Variants in OLA1 observed in about 807,000 individuals in gnomAD.
OLA1 encodes obg-like ATPase 1.
A neutral mutation model predicts 48.4 loss-of-function variants in OLA1; 14 were observed. That is an observed-to-expected ratio of 0.29 (90% CI 0.19 to 0.45). The LOEUF (loss-of-function observed/expected upper bound fraction) is 0.45, where lower values mean the gene tolerates loss of function less well. Among genes scored for constraint, OLA1 ranks in the 20% least tolerant of loss-of-function variants. OLA1 has a pLI of 1.00. For synonymous variants in OLA1, 127 were observed against 150.4 expected (o/e 0.84, Z 1.14); for missense variants, 325 against 467.1 (o/e 0.70, Z 2.80).
intron 7 of OLA1, among the ~76,000 whole-genome samples, chr2:174,107,425 G>A (rs1384911611): frequency 6.6e-6 from 1 of 152,108 alleles, no homozygotes; most frequent in Non-Finnish European, 1.5e-5. Context: ...CAATTTACCA[G>A]TTGGGCAAAT....
intron 7 of OLA1, among the ~76,000 whole-genome samples, chr2:174,102,529 T>C (rs777664459): frequency 6.6e-6 from 1 of 151,886 alleles, no homozygotes; most frequent in South Asian, 2.1e-4. Context: ...GAAAAGCACA[T>C]AGAATGAAAG....
chr2:174,154,313 A>G (rs1686819299), intron 4 of OLA1, among the ~76,000 whole-genome samples: 1 of 152,148 alleles, frequency 6.6e-6, no homozygotes, highest in Admixed American at 6.6e-5. Context: ...GCCTGTAGAA[A>G]TAGCCCTGTA....
intron 5 of OLA1, among the ~76,000 whole-genome samples, chr2:174,132,125 T>G (rs1303894996): frequency 6.6e-6 from 1 of 152,072 alleles, no homozygotes; most frequent in Non-Finnish European, 1.5e-5. Context: ...TCTCATATAT[T>G]TTTCAAATTC....
At chr2:174,247,608 T>C in intron 1 of OLA1, 3 of 1,547,876 alleles carry the variant, frequency 1.9e-6, no homozygotes, top group Non-Finnish European at 2.6e-6. Context: ...TCCTCTATAA[T>C]CTGGAATCTT....
intron 4 of OLA1, among the ~76,000 whole-genome samples, chr2:174,147,520 A>G (rs1686637677): frequency 6.6e-6 from 1 of 152,226 alleles, no homozygotes; most frequent in African/African-American, 2.4e-5. Flanking sequence ...TATCTTTTGT[A>G]AAAATAAAAA....
At chr2:174,233,419 G>C (rs1380433411) in intron 2 of OLA1, among the ~76,000 whole-genome samples, 1 of 152,188 alleles carries the variant, frequency 6.6e-6, no homozygotes. Flanking sequence ...CTGTCACCCG[G>C]CTAGAGTGCA....
At chr2:174,231,440 C>T (rs1479512242) in intron 2 of OLA1, among the ~76,000 whole-genome samples, 1 of 152,004 alleles carries the variant, frequency 6.6e-6, no homozygotes, top group Non-Finnish European at 1.5e-5. Context: ...ATTACTATTA[C>T]CACAGTCAGC....
At chr2:174,190,785 T>C (rs1687755935) in intron 4 of OLA1, among the ~76,000 whole-genome samples, 1 of 151,718 alleles carries the variant, frequency 6.6e-6, no homozygotes, top group African/African-American at 2.4e-5. Flanking sequence ...AATGGGTGTG[T>C]ACCTAATAAA....
At chr2:174,215,840 A>C (rs564094567) in intron 4 of OLA1, among the ~76,000 whole-genome samples, 1 of 152,338 alleles carries the variant, frequency 6.6e-6, no homozygotes, top group East Asian at 1.9e-4. Context: ...TATTGGGATA[A>C]GCTTGAGTGT....
chr2:174,186,106 G>A (rs1259254330), intron 4 of OLA1, among the ~76,000 whole-genome samples: 1 of 152,114 alleles, frequency 6.6e-6, no homozygotes, highest in Non-Finnish European at 1.5e-5. Flanking sequence ...TGCTCTAATA[G>A]TAGACTTCAA....
At chr2:174,191,930 C>T (rs1194586932) in intron 4 of OLA1, among the ~76,000 whole-genome samples, 5 of 152,228 alleles carry the variant, frequency 3.3e-5, no homozygotes, top group South Asian at 2.1e-4. Context: ...TGAAACTAGC[C>T]GGCAGCAGTT....
chr2:174,227,397 T>C (rs527541371), intron 3 of OLA1, among the ~76,000 whole-genome samples: 115 of 152,302 alleles, frequency 7.6e-4, no homozygotes, highest in African/African-American at 2.2e-3. Flanking sequence ...GTTAATCCCA[T>C]AGTAAACTAC....
intron 2 of OLA1, among the ~76,000 whole-genome samples, chr2:174,237,019 CCT>C (rs1688868709): frequency 6.6e-6 from 1 of 152,014 alleles, no homozygotes; most frequent in Non-Finnish European, 1.5e-5. Context: ...AATAAATTAG[CCT>C]TAGCTTACCA....
At chr2:174,098,032 G>T (rs1244234827) in intron 7 of OLA1, among the ~76,000 whole-genome samples, 1 of 152,104 alleles carries the variant, frequency 6.6e-6, no homozygotes, top group Non-Finnish European at 1.5e-5. Flanking sequence ...ACTGTTTCTG[G>T]ATCTTTAGAG....
chr2:174,202,149 T>C (rs1688004395), intron 4 of OLA1, among the ~76,000 whole-genome samples: 1 of 152,200 alleles, frequency 6.6e-6, no homozygotes, highest in South Asian at 2.1e-4. Flanking sequence ...GTCTATCATC[T>C]ACTAACATAA....
chr2:174,171,306 T>C (rs894189957), intron 4 of OLA1, among the ~76,000 whole-genome samples: 1 of 152,204 alleles, frequency 6.6e-6, no homozygotes, highest in Non-Finnish European at 1.5e-5. Context: ...AACATTACAT[T>C]CAATAATAAC....
At chr2:174,160,748 AAT>A (rs1686990581) in intron 4 of OLA1, among the ~76,000 whole-genome samples, 1 of 152,136 alleles carries the variant, frequency 6.6e-6, no homozygotes, top group Non-Finnish European at 1.5e-5. Flanking sequence ...TTTGCAGCCT[AAT>A]TGTGGACATT....
At chr2:174,193,023 C>A (rs12473994) in intron 4 of OLA1, among the ~76,000 whole-genome samples, 19,210 of 151,302 alleles carry the variant, frequency 0.13, 1,431 homozygotes, top group East Asian at 0.21. Context: ...CTTTTTGGAC[C>A]TATGGTTTTG....
chr2:174,159,039 C>A (rs1246929742), intron 4 of OLA1, among the ~76,000 whole-genome samples: 1 of 152,152 alleles, frequency 6.6e-6, no homozygotes, highest in Non-Finnish European at 1.5e-5. Flanking sequence ...TATCATCAAC[C>A]AATTCATTCT....
Sources: allele counts gnomAD v4.1 joint callset (sites outside exome capture counted in the v4.1 genomes callset), GRCh38; gene constraint gnomAD v4.1.1; transcripts MANE v1.5; gene names NCBI Gene and HGNC (gene_info 2026-07-23, HGNC 2026-07-21).